ETFA: variants seen among roughly 807,000 people sequenced by gnomAD.
The protein encoded by ETFA is electron transfer flavoprotein subunit alpha.
A neutral mutation model predicts 46.2 loss-of-function variants in ETFA; 22 were observed. The ratio of observed to expected loss-of-function variants is 0.48; its 90% CI spans 0.34 to 0.68. The LOEUF is 0.68. Among genes scored for constraint, ETFA ranks in the 30% least tolerant of loss-of-function variants. The pLI is 0.01. For synonymous variants in ETFA, 131 were observed against 139.9 expected (o/e 0.94, Z 0.45); for missense variants, 345 against 401.1 (o/e 0.86, Z 1.19).
In ETFA at chr15:76,287,337, T is replaced by A. The variant is rs183170478; in HGVS notation, c.451+509A>T. Among the ~76,000 whole-genome samples the A allele has an allele frequency of 2.9e-3, 440 of 152,216 alleles. 1 individual carries two copies. Among genetic ancestry groups the A allele is most frequent in the Non-Finnish European group, 5.4e-3 (370 of 68,000 alleles). On this transcript the variant is annotated intron_variant, in intron 5 of 11. Transcript: ENST00000557943. Reference sequence around the variant, plus strand: ...GCCAACATGCCTAGCTAATTTATTTTATTTATTTATTTTTGAGATAGGGTC... The same window carrying A: ...GCCAACATGCCTAGCTAATTTATTTAATTTATTTATTTTTGAGATAGGGTC...
intron 1 of ETFA, among the ~76,000 whole-genome samples, 199 bp from the exon 2 acceptor site, chr15:76,295,936 C>CCTTTTTT (rs2039816100): frequency 2.1e-5 from 1 of 46,602 alleles, no homozygotes; most frequent in African/African-American, 6.7e-5. Flanking sequence ...CACTAATATT[C>CCTTTTTT]TTTTTTTTTT....
intron 9 of ETFA, among the ~76,000 whole-genome samples, chr15:76,273,261 C>G (rs1363235436): frequency 6.6e-6 from 1 of 152,088 alleles, no homozygotes; most frequent in Non-Finnish European, 1.5e-5. Flanking sequence ...ACAAATACTT[C>G]GAAACAAACT....
intron 11 of ETFA, among the ~76,000 whole-genome samples, chr15:76,220,913 C>G (rs1177464302): frequency 6.6e-6 from 1 of 152,166 alleles, no homozygotes; most frequent in African/African-American, 2.4e-5. Context: ...TGAAAACAAC[C>G]TGACGGTTAT....
chr15:76,290,329 T>TC (rs1413261745), intron 4 of ETFA, among the ~76,000 whole-genome samples: 8 of 129,322 alleles, frequency 6.2e-5, no homozygotes, highest in Non-Finnish European at 1.1e-4. Flanking sequence ...CCAAAGTCGC[T>TC]ACTCTTTTTT....
chr15:76,288,824 T>G (rs2039727109), intron 4 of ETFA, among the ~76,000 whole-genome samples: 1 of 151,856 alleles, frequency 6.6e-6, no homozygotes, highest in South Asian at 2.1e-4. Context: ...GTGCTTGTAC[T>G]GAAATAGATG....
chr15:76,270,006 A>G (rs1294778767), intron 9 of ETFA, among the ~76,000 whole-genome samples: 2 of 152,372 alleles, frequency 1.3e-5, no homozygotes, highest in East Asian at 1.9e-4. Flanking sequence ...TCATCATTAG[A>G]TGAGCATCAG....
chr15:76,231,701 T>C (rs1463242860), intron 9 of ETFA, among the ~76,000 whole-genome samples: 1 of 152,206 alleles, frequency 6.6e-6, no homozygotes, highest in Non-Finnish European at 1.5e-5. Context: ...ATCTCACAAT[T>C]ACCTGTGAGG....
At chr15:76,217,598 C>T (rs1307271360) in intron 11 of ETFA, 1 of 455,622 alleles carries the variant, frequency 2.2e-6, no homozygotes, top group Non-Finnish European at 4.4e-6. Context: ...TTAGTCGTGG[C>T]AGTGCAGTGG....
intron 9 of ETFA, chr15:76,258,898 G>C: frequency 1.1e-6 from 1 of 894,188 alleles, no homozygotes; most frequent in South Asian, 1.5e-5. Flanking sequence ...ACACCTTGCT[G>C]TCTGGGCTGA....
In ETFA at chr15:76,238,929, A is replaced by G. The variant is rs149468472; in HGVS notation, c.817-7531T>C. 1.2e-3 allele frequency among the ~76,000 whole-genome samples: 176 copies of G among 152,338 alleles called. 1 individual carries two copies. The highest frequency in any genetic ancestry group is 4.1e-3 in the African/African-American group (172 of 41,578). On this transcript the variant is annotated intron_variant, in intron 9 of 11. Transcript: ENST00000557943. ...GGATTCTGGCTAAACTGAGTTTCAC[A>G]TGAAGGGAAGATTTTACCCATACTC...
chr15:76,237,841 T>A (rs2141470398), intron 9 of ETFA, among the ~76,000 whole-genome samples: 1 of 152,342 alleles, frequency 6.6e-6, no homozygotes, highest in South Asian at 2.1e-4. Context: ...GTTACTAACT[T>A]GATACAATTC....
chr15:76,261,441 G>A, intron 9 of ETFA: 1 of 927,586 alleles, frequency 1.1e-6, no homozygotes, highest in Non-Finnish European at 1.7e-6. Flanking sequence ...GGATGAACCA[G>A]TTCTGGACCA....
chr15:76,222,196 T>C (rs1182819839), intron 11 of ETFA, among the ~76,000 whole-genome samples: 1 of 149,376 alleles, frequency 6.7e-6, no homozygotes, highest in Non-Finnish European at 1.5e-5. Flanking sequence ...TTTCTTAATG[T>C]TATATAAATA....
intron 9 of ETFA, among the ~76,000 whole-genome samples, chr15:76,252,689 G>A (rs886788062): frequency 1.3e-5 from 2 of 152,024 alleles, no homozygotes; most frequent in Non-Finnish European, 1.5e-5. Context: ...TGATAAAACT[G>A]GAGTATTCCA....
chr15:76,292,405 A>AG, intron 4 of ETFA, 26 bp downstream of exon 4: 1 of 1,497,846 alleles, frequency 6.7e-7, no homozygotes, highest in Non-Finnish European at 9.3e-7. Context: ...CAGTGATATC[A>AG]GATTCCACAT....
At chr15:76,281,742 C>T (rs1052730933) in intron 8 of ETFA, among the ~76,000 whole-genome samples, 3 of 151,862 alleles carry the variant, frequency 2.0e-5, no homozygotes, top group Non-Finnish European at 2.9e-5. Flanking sequence ...CTGTAGTAGG[C>T]AAGAAAATGG....
At chr15:76,310,276 CA>C (rs1215383687) in intron 1 of ETFA, among the ~76,000 whole-genome samples, 1 of 134,816 alleles carries the variant, frequency 7.4e-6, no homozygotes, top group African/African-American at 2.8e-5. Context: ...AACAAACAAA[CA>C]AAAGTCTAAT....
chr15:76,281,617 G>C (rs1344845925), intron 8 of ETFA, among the ~76,000 whole-genome samples: 3 of 152,042 alleles, frequency 2.0e-5, no homozygotes, highest in Admixed American at 2.0e-4. Flanking sequence ...AGTAGAGACG[G>C]GGTTTCCCCA....
At chr15:76,288,226 T>G (rs1423375023) in intron 4 of ETFA, among the ~76,000 whole-genome samples, 1 of 152,194 alleles carries the variant, frequency 6.6e-6, no homozygotes, top group African/African-American at 2.4e-5. Context: ...TGAAATTTAA[T>G]AAACATCAAT....
Sources: allele counts gnomAD v4.1 joint callset (sites outside exome capture counted in the v4.1 genomes callset), GRCh38; gene constraint gnomAD v4.1.1; transcripts MANE v1.5; gene names NCBI Gene and HGNC (gene_info 2026-07-23, HGNC 2026-07-21).